RALGAPA2: variants seen among roughly 807,000 people sequenced by gnomAD.
RALGAPA2 encodes the protein ral GTPase-activating protein subunit alpha-2.
In RALGAPA2, 139 loss-of-function variants were observed where a neutral mutation model predicts 230.4. The observed-to-expected ratio is 0.60, with a 90% CI of 0.53 to 0.69. The LOEUF is 0.69. Among genes scored for constraint, RALGAPA2 ranks in the 30% least tolerant of loss-of-function variants. RALGAPA2 has a pLI of 0.00. For synonymous variants in RALGAPA2, 847 were observed against 837.8 expected (o/e 1.01, Z -0.19); for missense variants, 2,163 against 2,276.0 (o/e 0.95, Z 1.01).
chr20:20,416,090 CT>C (rs2060159442), intron 37 of RALGAPA2, among the ~76,000 whole-genome samples: 1 of 152,106 alleles, frequency 6.6e-6, no homozygotes, highest in South Asian at 2.1e-4. Context: ...CTCAGTTGTC[CT>C]ACTAAATGTA....
chr20:20,605,068 T>C (rs1009921222), intron 15 of RALGAPA2, 107 bp downstream of exon 15: 7 of 841,362 alleles, frequency 8.3e-6, no homozygotes, highest in African/African-American at 1.7e-5. Flanking sequence ...CACTGTGTAG[T>C]TGGTTCAGTT....
chr20:20,563,776 C>T (rs1490495813), intron 23 of RALGAPA2, among the ~76,000 whole-genome samples: 2 of 152,072 alleles, frequency 1.3e-5, no homozygotes, highest in Non-Finnish European at 2.9e-5. Context: ...AGGATGCTTA[C>T]CAATCAGTAC....
At chr20:20,610,269 C>G (rs910671669) in intron 14 of RALGAPA2, among the ~76,000 whole-genome samples, 1 of 152,140 alleles carries the variant, frequency 6.6e-6, no homozygotes, top group Non-Finnish European at 1.5e-5. Flanking sequence ...TTTCCAGAGC[C>G]CTTTCACACT....
At chr20:20,603,612 A>T (rs1184008899) in intron 15 of RALGAPA2, among the ~76,000 whole-genome samples, 1 of 152,160 alleles carries the variant, frequency 6.6e-6, no homozygotes, top group African/African-American at 2.4e-5. Context: ...CTGCTGAAAC[A>T]CGTGGCCCAG....
chr20:20,417,926 A>G (rs1287804342), intron 37 of RALGAPA2, among the ~76,000 whole-genome samples: 1 of 152,262 alleles, frequency 6.6e-6, no homozygotes, highest in African/African-American at 2.4e-5. Context: ...ACTGCGTGAT[A>G]AAAACTTTTA....
intron 37 of RALGAPA2, among the ~76,000 whole-genome samples, chr20:20,462,241 T>A (rs2123291227): frequency 6.6e-6 from 1 of 152,276 alleles, no homozygotes; most frequent in Middle Eastern, 3.4e-3. Flanking sequence ...TAATGAGAAA[T>A]CACCCAAGAG....
chr20:20,511,294 T>C lies in RALGAPA2; in HGVS notation c.4888A>G (p.Lys1630Glu). 2 of 1,566,332 alleles carry C rather than the reference T, an allele frequency of 1.3e-6. No individual in the cohort carries two copies. Among genetic ancestry groups the C allele is most frequent in the Non-Finnish European group, 1.7e-6 (2 of 1,154,384 alleles). ...KNFHLLKKNS[K>E]LLRELKNLDS... The stretch of plus-strand genomic sequence containing the variant: ...AAATTTTTCAGCTCTCTCAATAATT[T>C]TGAATTTTTCTTCAATAGATGAAAA... Residue 1630 changes from lysine (K) to glutamate (E), a missense_variant, in exon 33 of 40, where the codon AAA (lysine) becomes GAA (glutamate). Lys to Glu is a moderately conservative substitution (Grantham distance 56). Coordinates refer to ENST00000202677, the MANE Select transcript of RALGAPA2 (RefSeq NM_020343.4).
rs533831598 is a variant in RALGAPA2 at position 20,568,992 on chromosome 20, A to G, written c.3156+2466T>C. Reference sequence around the variant, plus strand: ...CTTTGAGAATTCTCACAAAATAGAAAGAAGCCCTGAGATGGTACCAGTCAC... The same window carrying G: ...CTTTGAGAATTCTCACAAAATAGAAGGAAGCCCTGAGATGGTACCAGTCAC... On this transcript the variant is annotated intron_variant, in intron 23 of 39. Transcript: ENST00000202677. 7.2e-5 allele frequency among the ~76,000 whole-genome samples: 11 copies of G among 152,330 alleles called. No individual in the cohort carries two copies. The South Asian group carries it at 1.7e-3, about 23-fold the overall frequency.
intron 37 of RALGAPA2, among the ~76,000 whole-genome samples, chr20:20,455,525 C>T (rs1569415128): frequency 6.6e-6 from 1 of 152,210 alleles, no homozygotes; most frequent in Non-Finnish European, 1.5e-5. Flanking sequence ...CAACAAAAGC[C>T]TAGGACGGGC....
At chr20:20,631,514 T>A (rs1043649800) in intron 9 of RALGAPA2, among the ~76,000 whole-genome samples, 2 of 152,132 alleles carry the variant, frequency 1.3e-5, no homozygotes, top group Non-Finnish European at 2.9e-5. Context: ...GGCTAAGTGA[T>A]GATGGAAACT....
At chr20:20,483,621 T>C (rs573240699) in intron 36 of RALGAPA2, among the ~76,000 whole-genome samples, 3 of 152,128 alleles carry the variant, frequency 2.0e-5, no homozygotes, top group Non-Finnish European at 4.4e-5. Flanking sequence ...GATCTGCCAA[T>C]AACAAAGCAC....
At chr20:20,483,960 C>T (rs894127706) in intron 36 of RALGAPA2, among the ~76,000 whole-genome samples, 4 of 152,108 alleles carry the variant, frequency 2.6e-5, no homozygotes, top group Admixed American at 6.5e-5. Context: ...AGGGTAGGGA[C>T]GCTATCAGGG....
intron 37 of RALGAPA2, among the ~76,000 whole-genome samples, chr20:20,456,924 T>A (rs2061135680): frequency 6.6e-6 from 1 of 152,114 alleles, no homozygotes; most frequent in African/African-American, 2.4e-5. Flanking sequence ...ACTCAAGTGA[T>A]CCTCCCACCT....
rs2059598923 is a variant in RALGAPA2 at position 20,391,289 on chromosome 20, A to C, written c.*2000T>G. 1 of 152,176 alleles carries C rather than the reference A, an allele frequency of 6.6e-6. No homozygotes were observed. Among genetic ancestry groups the C allele is most frequent in the South Asian group, 2.1e-4 (1 of 4,832 alleles). The allele number at this position is 152,176 out of a possible 1,614,324, so 9.4% of individuals were successfully genotyped here. On this transcript the variant is annotated 3_prime_UTR_variant, in exon 40 of 40. Transcript: ENST00000202677. ...CCAGATGTCTGGAATCATTTAAAAT[A>C]AAGGGGCATTTGCTGACACCACAGA...
At chr20:20,465,005 A>G (rs1315570195) in intron 37 of RALGAPA2, among the ~76,000 whole-genome samples, 1 of 152,134 alleles carries the variant, frequency 6.6e-6, no homozygotes, top group Admixed American at 6.5e-5. Context: ...TTCTATTCCT[A>G]AGGCTATATT....
intron 37 of RALGAPA2, among the ~76,000 whole-genome samples, chr20:20,445,427 ACT>A (rs1305301754): frequency 6.6e-6 from 1 of 152,146 alleles, no homozygotes; most frequent in African/African-American, 2.4e-5. Context: ...AATGACATTT[ACT>A]CTGTTCTTGG....
At chr20:20,695,496 G>A (rs1272020692) in intron 1 of RALGAPA2, among the ~76,000 whole-genome samples, 1 of 152,208 alleles carries the variant, frequency 6.6e-6, no homozygotes, top group African/African-American at 2.4e-5. Flanking sequence ...TAGTCCATAT[G>A]AGTCAACCTT....
chr20:20,632,744 CGGTG>C (rs199835405), intron 9 of RALGAPA2, among the ~76,000 whole-genome samples: 6,960 of 152,218 alleles, frequency 0.046, 246 homozygotes, highest in East Asian at 0.16. Flanking sequence ...CTCTGACTGC[CGGTG>C]AAATCAGGGG....
chr20:20,560,709 C>T (rs1225217209), intron 23 of RALGAPA2, among the ~76,000 whole-genome samples: 2 of 152,142 alleles, frequency 1.3e-5, no homozygotes, highest in African/African-American at 4.8e-5. Flanking sequence ...ATCCTCCTTC[C>T]CCAAGTATAA....
Sources: allele counts gnomAD v4.1 joint callset (sites outside exome capture counted in the v4.1 genomes callset), GRCh38; gene constraint gnomAD v4.1.1; transcripts MANE v1.5; gene names NCBI Gene and HGNC (gene_info 2026-07-23, HGNC 2026-07-21).